FARP2: variants seen among roughly 807,000 people sequenced by gnomAD.
FARP2 encodes the protein FERM, ARH/RhoGEF and pleckstrin domain protein 2.
Under a neutral mutation model 130.5 loss-of-function variants are expected in FARP2, and 111 were observed. The observed-to-expected ratio is 0.85, with a 90% CI of 0.73 to 1.00. The LOEUF (loss-of-function observed/expected upper bound fraction) is 1.00. Ranked by LOEUF, FARP2 falls within the 50% of genes least tolerant of loss-of-function variation. The pLI is 0.00. For missense variants in FARP2, 1,385 were observed against 1,346.3 expected (o/e 1.03, Z -0.45); for synonymous variants, 504 against 516.9 (o/e 0.98, Z 0.34).
At chr2:241,488,399 G>A (rs909909849) in intron 21 of FARP2, 1 of 133,278 alleles carries the variant, frequency 7.5e-6, no homozygotes, top group Non-Finnish European at 1.6e-5. Context: ...CCTAGAATTT[G>A]TTTTTTTACT....
chr2:241,453,560 T>C (rs1465933241), intron 13 of FARP2, among the ~76,000 whole-genome samples: 2 of 151,368 alleles, frequency 1.3e-5, no homozygotes, highest in African/African-American at 4.9e-5. Context: ...AGGCGGAGCT[T>C]GCAGTGAGCC....
intron 17 of FARP2, 78 bp downstream of exon 17, chr2:241,464,058 C>T (rs2064100501): frequency 1.1e-5 from 13 of 1,195,978 alleles, no homozygotes; most frequent in Non-Finnish European, 1.5e-5. Context: ...TGAGGCCCGT[C>T]AGAACAGCGT....
chr2:241,443,133 CT>C, intron 13 of FARP2: 3 of 259,444 alleles, frequency 1.2e-5, no homozygotes, highest in Non-Finnish European at 2.3e-5. Flanking sequence ...TTCAGCAACC[CT>C]TTTGCACAGA....
Position 241,456,810 on chromosome 2 carries a change from C to T in FARP2, c.1475C>T (p.Pro492Leu), listed in dbSNP as rs763243914. The T allele has an allele frequency of 6.2e-7, 1 of 1,614,024 alleles. No homozygotes were observed. The highest frequency in any genetic ancestry group is 8.5e-7 in the Non-Finnish European group (1 of 1,180,010). ...SSRKSPLSLS[P>L]AFQVPLGPAE... ...CGGAAGAGCCCCCTGAGTCTGAGCC[C>T]TGCATTTCAGGTGCCTTTGGGCCCA... Residue 492 changes from proline (P) to leucine (L), a missense_variant, in exon 14 of 27, where the codon CCT becomes CTT. By Grantham distance (98) the Pro-to-Leu change is moderately conservative. Transcript: ENST00000264042.
intron 2 of FARP2, among the ~76,000 whole-genome samples, chr2:241,382,291 T>C (rs77960138): frequency 1.5e-5 from 2 of 135,408 alleles, no homozygotes; most frequent in Non-Finnish European, 3.1e-5. Context: ...GTACAAAATC[T>C]ATTTTTTTTT....
rs1417855520 is a variant in FARP2, at chr2:241,456,855, C to T, written c.1520C>T (p.Pro507Leu). The T allele has an allele frequency of 7.4e-6, 12 of 1,613,776 alleles. No individual in the cohort carries two copies. The highest frequency in any genetic ancestry group is 2.2e-5 in the East Asian group (1 of 44,874). The change falls in exon 14 of 27, where the codon CCA becomes CTA. Residue 507 changes from proline (P) to leucine (L), a missense_variant. Transcript: ENST00000264042. ...PLGPAEQGSSPLLSPVLSDAG... is the reference protein window; with the variant it reads ...PLGPAEQGSSLLLSPVLSDAG... ...GGCCCAGCTGAACAGGGCTCATCCCCACTCCTGAGCCCTGTCCTCAGTGAT... is the reference window on the plus strand; with the variant it reads ...GGCCCAGCTGAACAGGGCTCATCCCTACTCCTGAGCCCTGTCCTCAGTGAT...
intron 2 of FARP2, among the ~76,000 whole-genome samples, chr2:241,382,493 G>A (rs1418648932): frequency 6.6e-6 from 1 of 151,898 alleles, no homozygotes; most frequent in Non-Finnish European, 1.5e-5. Flanking sequence ...ATGTTGCCTA[G>A]GCTAGTCTTG....
chr2:241,359,109 A>C (rs1485696007), intron 1 of FARP2, among the ~76,000 whole-genome samples: 1 of 152,214 alleles, frequency 6.6e-6, no homozygotes, highest in Admixed American at 6.5e-5. Flanking sequence ...GACTTAACTG[A>C]AAAGTTGAAA....
At chr2:241,407,431 G>A (rs2062389806) in intron 4 of FARP2, 106 bp from the exon 5 acceptor site, 1 of 839,794 alleles carries the variant, frequency 1.2e-6, no homozygotes, top group Non-Finnish European at 2.0e-6. Context: ...AAGATTTGCT[G>A]TAACAGTCCA....
chr2:241,425,121 C>T (rs530117724), intron 8 of FARP2, among the ~76,000 whole-genome samples: 34 of 152,080 alleles, frequency 2.2e-4, no homozygotes, highest in African/African-American at 5.8e-4. Flanking sequence ...GAAGGAGAAC[C>T]GCTTGAGCCT....
rs1280979491 is a variant in FARP2 at position 241,482,607 on chromosome 2, ACGTTT to A, written c.2263-856_2263-852del. Among the ~76,000 whole-genome samples the A allele has an allele frequency of 4.6e-5, 7 of 152,060 alleles. No individual in the cohort carries two copies. In the South Asian group the frequency reaches 1.5e-3, roughly 32 times the overall value. ...CCACCTTCTTCATTGTGTGGGGTGG[ACGTTT>A]CTGTTTGGGCTGGTTTTTCATCCTG... On this transcript the variant is annotated intron_variant, in intron 19 of 26. Transcript: ENST00000264042. This position sits in a 1 kb window ranked among gnomAD's most constrained non-coding sequence, Gnocchi z 4.6.
intron 1 of FARP2, among the ~76,000 whole-genome samples, chr2:241,360,495 A>C (rs2061162262): frequency 6.6e-6 from 1 of 151,702 alleles, no homozygotes; most frequent in Admixed American, 6.6e-5. Context: ...ACACAGTGAA[A>C]CCCCCCGTCT....
chr2:241,445,470 T>C (rs560313994), intron 13 of FARP2: 1 of 152,316 alleles, frequency 6.6e-6, no homozygotes, highest in South Asian at 2.1e-4. Flanking sequence ...CTGACGTTGC[T>C]CTTTTCCACC....
chr2:241,370,369 A>G (rs1221714441), intron 1 of FARP2, among the ~76,000 whole-genome samples: 1 of 152,152 alleles, frequency 6.6e-6, no homozygotes, highest in African/African-American at 2.4e-5. Flanking sequence ...TTGCTAAGAT[A>G]CATACCGTAT....
At chr2:241,491,230 CT>C (rs1180368949) in intron 23 of FARP2, 51 bp downstream of exon 23, 7 of 1,337,298 alleles carry the variant, frequency 5.2e-6, no homozygotes, top group African/African-American at 1.4e-5. Context: ...CCTAAGGAGG[CT>C]TTTTTTGGAA....
chr2:241,482,140 G>A lies in FARP2; in HGVS notation c.2263-1325G>A, dbSNP rs551832317. 6.6e-6 allele frequency among the ~76,000 whole-genome samples: 1 copy of A among 152,306 alleles called. No individual in the cohort carries two copies. The highest frequency in any genetic ancestry group is 1.5e-5 in the Non-Finnish European group (1 of 68,032). On this transcript the variant is annotated intron_variant, in intron 19 of 26. Transcript: ENST00000264042. This position sits in a 1 kb window ranked among gnomAD's most constrained non-coding sequence, Gnocchi z 4.6. The stretch of plus-strand genomic sequence containing the variant: ...GGTATAAAGTTGATGAGGTGCCAAA[G>A]GGTAAAAAGAACTGTGAAGTGTCAG...
rs554311135 is a variant in FARP2, at chr2:241,406,496, G to A, written c.332-1041G>A. 2.8e-4 allele frequency among the ~76,000 whole-genome samples: 43 copies of A among 152,040 alleles called. 1 individual carries two copies. In the South Asian group the frequency reaches 8.5e-3, roughly 30 times the overall value. ...CAATCTCGTTCTGTCACCCAGCCTG[G>A]AGTGCAGTGGTGTGATCTCAGCTCA... On this transcript the variant is annotated intron_variant, in intron 4 of 26. Coordinates refer to ENST00000264042, the MANE Select transcript of FARP2 (RefSeq NM_014808.4).
At chr2:241,366,127 A>ATATATACATATATATATATATACGTC (rs1559702210) in intron 1 of FARP2, among the ~76,000 whole-genome samples, 1 of 136,482 alleles carries the variant, frequency 7.3e-6, no homozygotes. Context: ...ATATACGTAT[A>ATATATACATATATATATATATACGTC]TATATATATA....
At chr2:241,445,210 G>C (rs1165026904) in intron 13 of FARP2, 1 of 135,996 alleles carries the variant, frequency 7.4e-6, no homozygotes, top group African/African-American at 2.8e-5. Flanking sequence ...AGAATTGCAG[G>C]CATGAGCCTG....
Sources: allele counts gnomAD v4.1 joint callset (sites outside exome capture counted in the v4.1 genomes callset), GRCh38; gene constraint gnomAD v4.1.1; non-coding constraint Gnocchi (gnomAD v3.1); transcripts MANE v1.5; gene names NCBI Gene and HGNC (gene_info 2026-07-23, HGNC 2026-07-21).